The following BRI3BP variants were observed in gnomAD, a reference collection of about 807,000 sequenced individuals.
BRI3BP encodes the protein BRI3-binding protein.
Under a neutral mutation model 15.8 loss-of-function variants are expected in BRI3BP, and 7 were observed. The ratio of observed to expected loss-of-function variants is 0.44; its 90% CI spans 0.25 to 0.83. The LOEUF is 0.83. Ranked by LOEUF, BRI3BP falls within the 40% of genes least tolerant of loss-of-function variation. BRI3BP has a pLI of 0.20. For missense variants in BRI3BP, 320 were observed against 339.3 expected (o/e 0.94, Z 0.45); for synonymous variants, 192 against 163.5 (o/e 1.17, Z -1.33).
the BRI3BP span, among the ~76,000 whole-genome samples, chr12:125,045,976 C>A: frequency 6.6e-6 from 1 of 152,000 alleles, no homozygotes. Flanking sequence ...ACCAGCCTGG[C>A]CAACATGGTG....
intron 2 of BRI3BP, among the ~76,000 whole-genome samples, chr12:125,017,079 C>T (rs1387323736): frequency 5.3e-5 from 8 of 150,950 alleles, no homozygotes; most frequent in Non-Finnish European, 7.4e-5. Context: ...ATGCAGTGGC[C>T]GATCTCATCT....
chr12:125,024,261 C>A (rs12832631), intron 2 of BRI3BP, among the ~76,000 whole-genome samples: 2 of 34,862 alleles, frequency 5.7e-5, no homozygotes, highest in Admixed American at 3.1e-4. Flanking sequence ...TCATGAAACC[C>A]CCCCCCCTCC....
chr12:125,046,176 C>A, the BRI3BP span, among the ~76,000 whole-genome samples: 7 of 150,430 alleles, frequency 4.7e-5, no homozygotes, highest in Non-Finnish European at 7.4e-5. Flanking sequence ...AAAAAAAAAA[C>A]CACAAAAAAA....
chr12:125,013,265 G>A (rs976556345), intron 2 of BRI3BP, among the ~76,000 whole-genome samples: 4 of 152,136 alleles, frequency 2.6e-5, no homozygotes, highest in African/African-American at 9.7e-5. Context: ...TAGGCAGAAG[G>A]GGATTTCATG....
the BRI3BP span, among the ~76,000 whole-genome samples, chr12:125,043,594 A>G: frequency 6.6e-6 from 1 of 150,768 alleles, no homozygotes; most frequent in Admixed American, 6.7e-5. Context: ...GTGGTGGCGC[A>G]CCCTGTAATC....
chr12:125,043,373 T>C, the BRI3BP span, among the ~76,000 whole-genome samples: 1 of 152,140 alleles, frequency 6.6e-6, no homozygotes, highest in Admixed American at 6.6e-5. Flanking sequence ...TGTTTTCCAC[T>C]CCCACAGAAC....
chr12:125,016,587 G>A (rs980226156), intron 2 of BRI3BP, among the ~76,000 whole-genome samples: 1 of 151,918 alleles, frequency 6.6e-6, no homozygotes, highest in Non-Finnish European at 1.5e-5. Flanking sequence ...GTGCAATGGC[G>A]CTATCTCGGC....
rs10572574 is a variant in BRI3BP at position 125,029,360 on chromosome 12, CAAAAAAAAAAAAAA to C, written c.*3940_*3953del. Reference sequence around the variant, plus strand: ...GAAATCCCGTCTCTACCAAAAAATACAAAAAAAAAAAAAAAAAAAAAAATAGCCAGGTGTGGTGG... The same window carrying C: ...GAAATCCCGTCTCTACCAAAAAATACAAAAAAAAATAGCCAGGTGTGGTGG... On this transcript the variant is annotated 3_prime_UTR_variant, in exon 3 of 3. Transcript: ENST00000341446. 10 of 78,688 alleles carry C rather than the reference CAAAAAAAAAAAAAA, an allele frequency of 1.3e-4. No individual in the cohort carries two copies. The highest frequency in any genetic ancestry group is 2.4e-4 in the Non-Finnish European group (10 of 42,134). The allele number at this position is 78,688 out of a possible 1,614,324, so 4.9% of individuals were successfully genotyped here.
intron 1 of BRI3BP, among the ~76,000 whole-genome samples, chr12:124,999,545 T>C (rs1045828897): frequency 1.3e-5 from 2 of 152,074 alleles, no homozygotes; most frequent in African/African-American, 4.8e-5. Context: ...TGCATCAGCC[T>C]CTCAAGTAGC....
the BRI3BP span, among the ~76,000 whole-genome samples, chr12:125,039,654 G>GTT: frequency 2.3e-4 from 35 of 149,770 alleles, no homozygotes; most frequent in Admixed American, 1.1e-3. Flanking sequence ...TTCCAATAGG[G>GTT]TTTTTTTTTT....
the BRI3BP span, among the ~76,000 whole-genome samples, chr12:125,039,309 GT>G: frequency 1.3e-5 from 2 of 151,916 alleles, no homozygotes; most frequent in African/African-American, 4.8e-5. Flanking sequence ...TCTTTTAATA[GT>G]TTTTTTTCAA....
rs995205320 is a variant in BRI3BP, at chr12:124,993,685, C to CG, written c.-104dup. Reference sequence around the variant, plus strand: ...GCGGCGGCGGCTGTGGGTAAAGGCGCGGCGCGCGGCCCCCGAGCGCGCCAA... The same window carrying CG: ...GCGGCGGCGGCTGTGGGTAAAGGCGCGGGCGCGCGGCCCCCGAGCGCGCCAA... On this transcript the variant is annotated 5_prime_UTR_variant, in exon 1 of 3. Transcript: ENST00000341446. 120 of 614,742 alleles carry CG rather than the reference C, an allele frequency of 2.0e-4. No individual in the cohort carries two copies. The highest frequency in any genetic ancestry group is 2.6e-4 in the Admixed American group (4 of 15,336). 38.1% of individuals were successfully genotyped at this position (614,742 alleles called of 1,614,324 possible). A position where few individuals can be genotyped will look rare whatever the true frequency, so the allele number is the denominator to read the frequency against.
chr12:125,047,146 C>T, the BRI3BP span, among the ~76,000 whole-genome samples: 108 of 151,934 alleles, frequency 7.1e-4, no homozygotes, highest in Middle Eastern at 3.4e-3. Flanking sequence ...TTCAGCATTT[C>T]TTTACTCTTT....
At chr12:125,018,250 T>C (rs755112771) in intron 2 of BRI3BP, among the ~76,000 whole-genome samples, 19 of 152,178 alleles carry the variant, frequency 1.2e-4, no homozygotes, top group Non-Finnish European at 2.8e-4. Flanking sequence ...ACATTCACTT[T>C]GCTTGAACAG....
chr12:125,045,522 C>T, the BRI3BP span, among the ~76,000 whole-genome samples: 1 of 152,042 alleles, frequency 6.6e-6, no homozygotes, highest in Non-Finnish European at 1.5e-5. Context: ...TTAGTAGAGA[C>T]GGGGTTTCAT....
At chr12:124,994,976 G>A (rs1389275298) in intron 1 of BRI3BP, among the ~76,000 whole-genome samples, 3 of 152,136 alleles carry the variant, frequency 2.0e-5, no homozygotes, top group Non-Finnish European at 4.4e-5. Context: ...CCTTCATTGC[G>A]AGGTTGTAAT....
intron 1 of BRI3BP, among the ~76,000 whole-genome samples, chr12:125,003,909 C>T (rs1186768675): frequency 1.3e-5 from 2 of 151,744 alleles, no homozygotes; most frequent in African/African-American, 4.8e-5. Flanking sequence ...ACCAAGATTG[C>T]ACCACTGCAC....
the BRI3BP span, among the ~76,000 whole-genome samples, chr12:125,044,044 A>T: frequency 6.6e-6 from 1 of 151,912 alleles, no homozygotes; most frequent in Non-Finnish European, 1.5e-5. Flanking sequence ...AAAAGGAAAG[A>T]AAGATTATTT....
chr12:124,997,930 G>C (rs988703700), intron 1 of BRI3BP, among the ~76,000 whole-genome samples: 1 of 152,162 alleles, frequency 6.6e-6, no homozygotes, highest in Non-Finnish European at 1.5e-5. Context: ...TTCAAGACCA[G>C]CCTGACCAAC....
Sources: gnomAD v4.1 joint callset for allele counts (sites outside exome capture counted in the v4.1 genomes callset) on GRCh38, gnomAD v4.1.1 for gene constraint, MANE v1.5 for transcripts, NCBI Gene and HGNC (gene_info 2026-07-23, HGNC 2026-07-21) for gene names.